STAB1: variants seen among roughly 807,000 people sequenced by gnomAD.
The protein encoded by STAB1 is stabilin-1.
STAB1 carries 250 observed loss-of-function variants against 332.4 expected under a neutral mutation model. The observed-to-expected ratio is 0.75, with a 90% CI of 0.68 to 0.84. The LOEUF (loss-of-function observed/expected upper bound fraction) is 0.84. Ranked by LOEUF, STAB1 falls within the 40% of genes least tolerant of loss-of-function variation. The probability of loss-of-function intolerance (pLI) is 0.00; values close to 1 mark genes in which losing one functional copy is unlikely to be tolerated. For synonymous variants in STAB1, 1,475 were observed against 1,390.4 expected, an observed-to-expected ratio of 1.06 and a Z score of -1.35; for missense variants, 3,249 against 3,489.7, an observed-to-expected ratio of 0.93 and a Z score of 1.74.
chr3:52,502,579 G>C, intron 5 of STAB1, 53 bp from the exon 6 acceptor site: 3 of 1,501,404 alleles, frequency 2.0e-6, no homozygotes, highest in Non-Finnish European at 2.8e-6. Flanking sequence ...CGATGTCCCA[G>C]TGTGTGCCTG....
At chr3:52,507,737 G>A (rs1426548808) in intron 19 of STAB1, 62 bp downstream of exon 19, 1 of 1,595,694 alleles carries the variant, frequency 6.3e-7, no homozygotes, top group East Asian at 2.2e-5. Flanking sequence ...TTCTGCCCTG[G>A]GTCACAGGGG....
At position 52,524,367 on chromosome 3, in the gene STAB1, G is replaced by A; in HGVS notation, c.*11G>A. ...CTCACAGTCAAGTGACGAGGCTGGG[G>A]CTGAAAGCAGAAGCATGCACAGGGA... is the stretch of plus-strand genomic sequence containing the variant. On this transcript the variant is annotated 3_prime_UTR_variant, in exon 69 of 69. Transcript: ENST00000321725. The A allele has an allele frequency of 3.7e-6, 6 of 1,613,672 alleles. No individual in the cohort carries two copies. The highest frequency in any genetic ancestry group is 5.1e-6 in the Non-Finnish European group (6 of 1,179,982).
In STAB1 at chr3:52,512,372, G is replaced by T. The variant is rs764309371; in HGVS notation, c.2915G>T (p.Arg972Leu). The T allele has an allele frequency of 1.2e-6, 2 of 1,611,558 alleles. No individual in the cohort carries two copies. Among genetic ancestry groups the T allele is most frequent in the Non-Finnish European group, 1.7e-6 (2 of 1,179,244 alleles). Residue 972 changes from arginine to leucine, a missense_variant, in exon 27 of 69, where the codon CGG becomes CTG. Arg to Leu is a moderately radical substitution (Grantham distance 102). Transcript: ENST00000321725. ...ATCRAVGGGQRVCTCPPGFGG... is the reference protein window; with the variant it reads ...ATCRAVGGGQLVCTCPPGFGG... ...TGCCGGGCAGTGGGGGGAGGTCAGC[G>T]GGTCTGCACGTGCCCCCCTGGCTTT...
At position 52,503,431 on chromosome 3, in the gene STAB1, A is replaced by C; in HGVS notation, c.782A>C (p.Glu261Ala). 6.2e-7 allele frequency: 1 copy of C among 1,613,764 alleles called. No individual in the cohort carries two copies. The highest frequency in any genetic ancestry group is 1.1e-5 in the South Asian group (1 of 91,086). ...PKGQAQCHCPENYHGDGMVCL... is the reference protein window; with the variant it reads ...PKGQAQCHCPANYHGDGMVCL... ...GGGCAGGCTCAGTGTCACTGCCCTG[A>C]GAACTACCATGGCGATGGGATGGTG... Residue 261 changes from glutamate to alanine, a missense_variant, in exon 8 of 69, where the codon GAG (glutamate) becomes GCG (alanine). By Grantham distance (107) the Glu-to-Ala change is moderately radical. Transcript: ENST00000321725.
At chr3:52,505,601 G>A (rs1708792982) in intron 14 of STAB1, 67 bp from the exon 15 acceptor site, 2 of 1,509,346 alleles carry the variant, frequency 1.3e-6, no homozygotes, top group African/African-American at 1.4e-5. Context: ...AGGTGGCAGG[G>A]CCCAGGCAGG....
intron 1 of STAB1, among the ~76,000 whole-genome samples, chr3:52,496,959 T>C (rs1361830876): frequency 2.6e-5 from 4 of 152,238 alleles, no homozygotes; most frequent in Non-Finnish European, 4.4e-5. Context: ...AACCCTGGAT[T>C]GAAAATATTC....
chr3:52,503,055 G>A lies in STAB1; in HGVS notation c.640G>A (p.Ala214Thr). Residue 214 changes from alanine to threonine, a missense_variant, in exon 7 of 69, where the codon GCT becomes ACT. Transcript: ENST00000321725. ...CCAGAACACCCAGTGCTCCGCAGAG[G>A]CTCCCAGCTGCAGGTGCCTGCCCGG... ...CPQNTQCSAE[A>T]PSCRCLPGYT... 6.2e-7 allele frequency: 1 copy of A among 1,603,670 alleles called. No individual in the cohort carries two copies. The highest frequency in any genetic ancestry group is 8.5e-7 in the Non-Finnish European group (1 of 1,176,386).
Position 52,524,183 on chromosome 3 carries a change from T to C in STAB1, c.7626T>C (p.Phe2542=). The C allele has an allele frequency of 2.5e-6, 4 of 1,614,094 alleles. No individual in the cohort carries two copies. The highest frequency in any genetic ancestry group is 3.4e-6 in the Non-Finnish European group (4 of 1,180,018). ...PTLVSVPNPV[F]GSDTFCEPFD... Reference sequence around the variant, plus strand: ...TGGTCTCTGTCCCCAACCCTGTCTTTGGCAGCGACACCTTTTGTGAACCCT... The same window carrying C: ...TGGTCTCTGTCCCCAACCCTGTCTTCGGCAGCGACACCTTTTGTGAACCCT... Residue 2542 remains phenylalanine, a synonymous_variant, in exon 68 of 69, where the codon TTT becomes TTC. Coordinates refer to ENST00000321725, the MANE Select transcript of STAB1 (RefSeq NM_015136.3).
chr3:52,506,827 G>A lies in STAB1; in HGVS notation c.1966G>A (p.Glu656Lys), dbSNP rs371539004. 3.3e-5 allele frequency: 54 copies of A among 1,613,126 alleles called. 1 individual carries two copies. In the East Asian group the frequency reaches 5.8e-4, roughly 17 times the overall value. ...GCCCATCCTGCCCAAGCACTGCAGC[G>A]AGGAGCAGCACAAGATTGTGGCGGT... ...ILPILPKHCSEEQHKIVAGSC... is the reference protein window; with the variant it reads ...ILPILPKHCSKEQHKIVAGSC... The change falls in exon 18 of 69, where the codon GAG (glutamate) becomes AAG (lysine). Residue 656 changes from glutamate (E) to lysine (K), a missense_variant. By Grantham distance (56) the Glu-to-Lys change is moderately conservative. Coordinates refer to ENST00000321725, the MANE Select transcript of STAB1 (RefSeq NM_015136.3).
intron 48 of STAB1, 54 bp downstream of exon 48, chr3:52,518,923 G>A (rs1338692689): frequency 2.6e-6 from 1 of 390,518 alleles, no homozygotes; most frequent in Non-Finnish European, 3.6e-6. Context: ...CCGCCCCTGC[G>A]CGCCATTGCC....
At chr3:52,506,332 G>A (rs962299423) in intron 17 of STAB1, 82 bp downstream of exon 17, 41 of 1,294,868 alleles carry the variant, frequency 3.2e-5, no homozygotes, top group South Asian at 6.3e-5. Context: ...TGTGTGCTCC[G>A]AGCCCCGTGG....
intron 50 of STAB1, 183 bp downstream of exon 50, chr3:52,519,747 G>A: frequency 1.8e-6 from 2 of 1,093,098 alleles, no homozygotes; most frequent in Non-Finnish European, 2.6e-6. Context: ...GAGCACATGG[G>A]TGTGCTTATG....
chr3:52,522,098 A>C lies in STAB1; in HGVS notation c.6333A>C (p.Val2111=). The C allele has an allele frequency of 6.2e-7, 1 of 1,613,140 alleles. No homozygotes were observed. The highest frequency in any genetic ancestry group is 2.2e-5 in the East Asian group (1 of 44,878). Residue 2111 remains valine (V), a synonymous_variant, in exon 59 of 69, where the codon GTA becomes GTC. Transcript: ENST00000321725. ...GTGAGCACGCCAACTGTAGCCAGGT[A>C]GGAACAATGGTCACTTGTACCTGCC... is the stretch of plus-strand genomic sequence containing the variant. The part of the protein sequence containing the change: ...GCSEHANCSQ[V]GTMVTCTCLP...
chr3:52,507,911 C>T lies in STAB1; in HGVS notation c.2053-20C>T, dbSNP rs752689843. ...CCCAGAACCCACACCCACTGACTGG[C>T]TTTGCATGGCCCACCCTAGGACATC... On this transcript the variant is annotated intron_variant, in intron 19 of 68. Transcript: ENST00000321725. 1.9e-6 allele frequency: 3 copies of T among 1,609,144 alleles called. No individual in the cohort carries two copies. In the South Asian group the frequency reaches 3.3e-5, roughly 18 times the overall value.
chr3:52,507,474 G>A, intron 18 of STAB1, 139 bp from the exon 19 acceptor site: 2 of 900,780 alleles, frequency 2.2e-6, no homozygotes, highest in East Asian at 5.4e-5. Flanking sequence ...GCTCTCCTCT[G>A]CCTGGAATGC....
intron 45 of STAB1, 121 bp from the exon 46 acceptor site, chr3:52,518,191 A>G: frequency 1.3e-6 from 2 of 1,533,368 alleles, no homozygotes; most frequent in South Asian, 2.4e-5. Flanking sequence ...CCCAACTCAG[A>G]CCCCGCGGCT....
At position 52,519,007 on chromosome 3, in the gene STAB1, C is replaced by G. The variant is rs2153233990; in HGVS notation, c.5034+138C>G. On this transcript the variant is annotated intron_variant, in intron 48 of 68. Transcript: ENST00000321725. The stretch of plus-strand genomic sequence containing the variant: ...GGGGCGCCTCCTGCTGAGTCCAGCC[C>G]GGGACTCCGCCCTTGACCTGGGCCT... 3.5e-6 allele frequency: 4 copies of G among 1,153,574 alleles called. No homozygotes were observed. The East Asian group carries it at 7.7e-5, about 22-fold the overall frequency. 71.5% of individuals were successfully genotyped at this position (1,153,574 alleles called of 1,614,324 possible).
At chr3:52,509,003 C>A (rs1016931174) in intron 21 of STAB1, among the ~76,000 whole-genome samples, 2 of 152,158 alleles carry the variant, frequency 1.3e-5, no homozygotes, top group African/African-American at 4.8e-5. Context: ...CTGCATCCAG[C>A]AAATGTTGCT....
In STAB1 at chr3:52,517,050, C is replaced by T; in HGVS notation, c.4430C>T (p.Pro1477Leu). Residue 1477 changes from proline (P) to leucine (L), a missense_variant, in exon 42 of 69, where the codon CCT becomes CTT. Physicochemically the swap from Pro to Leu is moderately conservative, Grantham distance 98 (BLOSUM62 -3). Transcript: ENST00000321725. ...CATGCCAACTGTACCAAGGTGGCACCTGGGCAGCGGACATGCACCTGCCAG... is the reference window on the plus strand; with the variant it reads ...CATGCCAACTGTACCAAGGTGGCACTTGGGCAGCGGACATGCACCTGCCAG... ...SPHANCTKVA[P>L]GQRTCTCQDG... 1.2e-6 allele frequency: 2 copies of T among 1,604,156 alleles called. No homozygotes were observed. The highest frequency in any genetic ancestry group is 1.7e-6 in the Non-Finnish European group (2 of 1,175,256).
Sources: gnomAD v4.1 joint callset for allele counts (sites outside exome capture counted in the v4.1 genomes callset) on GRCh38, gnomAD v4.1.1 for gene constraint, MANE v1.5 for transcripts, NCBI Gene and HGNC (gene_info 2026-07-23, HGNC 2026-07-21) for gene names.